The following MC2R variants were observed in gnomAD, a reference collection of about 807,000 sequenced individuals.
MC2R encodes adrenocorticotropic hormone receptor.
Under a neutral mutation model 9.8 loss-of-function variants are expected in MC2R, and 9 were observed. The observed-to-expected ratio is 0.92, with a 90% CI of 0.55 to 1.60. The LOEUF is 1.60. MC2R is among the 40% of genes most tolerant of loss of function. The probability of loss-of-function intolerance (pLI) is 0.00; values close to 1 mark genes in which losing one functional copy is unlikely to be tolerated. For synonymous variants in MC2R, 185 were observed against 154.7 expected, an observed-to-expected ratio of 1.20 and a Z score of -1.45; for missense variants, 370 against 389.0, an observed-to-expected ratio of 0.95 and a Z score of 0.41.
chr18:13,904,951 C>T lies in MC2R; in HGVS notation c.-129+10537G>A, dbSNP rs748007506. ...TAAAAACACTAGAAGAAAACCTAGGCAATACCATTCAGGACACAGGCATGG... is the reference window on the plus strand; with the variant it reads ...TAAAAACACTAGAAGAAAACCTAGGTAATACCATTCAGGACACAGGCATGG... On this transcript the variant is annotated intron_variant, in intron 1 of 1. Coordinates refer to ENST00000327606, the MANE Select transcript of MC2R (RefSeq NM_000529.2). Among the ~76,000 whole-genome samples the T allele has an allele frequency of 2.0e-5, 3 of 152,238 alleles. No homozygotes were observed. In the South Asian group the frequency reaches 6.2e-4, roughly 32 times the overall value.
rs1181066571 is a variant in MC2R, at chr18:13,883,492, G to A, written c.*1133C>T. 1 of 151,778 alleles carries A rather than the reference G, an allele frequency of 6.6e-6. No homozygotes were observed. The highest frequency in any genetic ancestry group is 1.5e-5 in the Non-Finnish European group (1 of 68,012). The allele number at this position is 151,778 out of a possible 1,614,324, so 9.4% of individuals were successfully genotyped here. On this transcript the variant is annotated 3_prime_UTR_variant, in exon 2 of 2. Coordinates refer to ENST00000327606, the MANE Select transcript of MC2R (RefSeq NM_000529.2). Reference sequence around the variant, plus strand: ...TGGTGTTTGCCTCCCTCAGGTCTTTGACTTGGGGCTATAATAACAGCACCA... The same window carrying A: ...TGGTGTTTGCCTCCCTCAGGTCTTTAACTTGGGGCTATAATAACAGCACCA...
chr18:13,892,563 T>C (rs1426013537), intron 1 of MC2R, among the ~76,000 whole-genome samples: 3 of 152,084 alleles, frequency 2.0e-5, no homozygotes, highest in Admixed American at 6.5e-5. Context: ...ACCCCTTCAC[T>C]CCTAGATGCT....
At chr18:13,908,745 T>TGTG (rs2045428272) in intron 1 of MC2R, among the ~76,000 whole-genome samples, 1 of 151,392 alleles carries the variant, frequency 6.6e-6, no homozygotes, top group Non-Finnish European at 1.5e-5. Flanking sequence ...TGTGTGTGTA[T>TGTG]TTCAAGCAAA....
intron 1 of MC2R, among the ~76,000 whole-genome samples, chr18:13,898,237 AGTGTTCCCTGTGGCCTTTGGTGATGTT>A: frequency 6.6e-6 from 1 of 152,252 alleles, no homozygotes; most frequent in East Asian, 1.9e-4. Context: ...GTAGGCTGGC[AGTGTTCCCTGTGGCCTTTGGTGATGTT>A]GGTTACAGGG....
At chr18:13,897,778 G>A (rs2045355166) in intron 1 of MC2R, among the ~76,000 whole-genome samples, 1 of 151,990 alleles carries the variant, frequency 6.6e-6, no homozygotes, top group African/African-American at 2.4e-5. Flanking sequence ...TGGGCCAGAA[G>A]GGAACTTGCT....
At chr18:13,912,075 T>A (rs2045447840) in intron 1 of MC2R, among the ~76,000 whole-genome samples, 2 of 152,202 alleles carry the variant, frequency 1.3e-5, no homozygotes, top group Non-Finnish European at 2.9e-5. Flanking sequence ...GGGCCCACAA[T>A]GCATGTTCAG....
At chr18:13,896,296 G>A (rs1291279409) in intron 1 of MC2R, among the ~76,000 whole-genome samples, 1 of 152,204 alleles carries the variant, frequency 6.6e-6, no homozygotes, top group Non-Finnish European at 1.5e-5. Context: ...TAAGAAAGGT[G>A]ATGTGACACC....
chr18:13,896,354 C>A (rs2149138982), intron 1 of MC2R, among the ~76,000 whole-genome samples: 1 of 152,166 alleles, frequency 6.6e-6, no homozygotes, highest in South Asian at 2.1e-4. Flanking sequence ...CTTTCTCAAC[C>A]AGGAAAAATA....
At chr18:13,889,935 C>T (rs974426186) in intron 1 of MC2R, among the ~76,000 whole-genome samples, 1 of 152,156 alleles carries the variant, frequency 6.6e-6, no homozygotes, top group Non-Finnish European at 1.5e-5. Context: ...GTCCCACAGG[C>T]TTTGTGTTGC....
chr18:13,900,574 A>G (rs1455500040), intron 1 of MC2R, among the ~76,000 whole-genome samples: 1 of 152,184 alleles, frequency 6.6e-6, no homozygotes, highest in African/African-American at 2.4e-5. Flanking sequence ...TTCCATGCCA[A>G]TGGAAACCAA....
chr18:13,907,403 C>G (rs1231501498), intron 1 of MC2R, among the ~76,000 whole-genome samples: 1 of 152,098 alleles, frequency 6.6e-6, no homozygotes. Context: ...ATCTAAGACC[C>G]GAAACTATGA....
chr18:13,889,370 T>C (rs2045299652), intron 1 of MC2R, among the ~76,000 whole-genome samples: 1 of 152,226 alleles, frequency 6.6e-6, no homozygotes, highest in Non-Finnish European at 1.5e-5. Flanking sequence ...GACAAGTTTT[T>C]CATAGCTTTA....
chr18:13,908,296 C>T (rs1054266460), intron 1 of MC2R, among the ~76,000 whole-genome samples: 5 of 152,198 alleles, frequency 3.3e-5, no homozygotes, highest in African/African-American at 1.2e-4. Flanking sequence ...GTCCCTTGTT[C>T]TCACTCACAT....
intron 1 of MC2R, among the ~76,000 whole-genome samples, chr18:13,901,047 T>A (rs1030745852): frequency 5.9e-5 from 9 of 152,134 alleles, no homozygotes; most frequent in Non-Finnish European, 8.8e-5. Flanking sequence ...ATGTCAAGTA[T>A]CTTCTCTGAC....
At chr18:13,915,538 A>G (rs79533878), upstream of MC2R, 13,003 of 153,106 alleles carry the variant, frequency 0.085, 720 homozygotes, top group East Asian at 0.19. Flanking sequence ...AGAAGGAATG[A>G]GCTCGGAGAG....
intron 1 of MC2R, among the ~76,000 whole-genome samples, chr18:13,905,854 G>A (rs1182766642): frequency 6.6e-6 from 1 of 152,074 alleles, no homozygotes; most frequent in Non-Finnish European, 1.5e-5. Context: ...CCAAGAGATC[G>A]AGACCATCCT....
At position 13,896,631 on chromosome 18, in the gene MC2R, A is replaced by G. The variant is rs569652427; in HGVS notation, c.-128-10985T>C. On this transcript the variant is annotated intron_variant, in intron 1 of 1. Coordinates refer to ENST00000327606, the MANE Select transcript of MC2R (RefSeq NM_000529.2). ...GTAGCAATTTTTATTAAATATAGGT[A>G]TCTAATATTACTTTAGACCTTGTAG... 3.9e-5 allele frequency among the ~76,000 whole-genome samples: 6 copies of G among 152,346 alleles called. No individual in the cohort carries two copies. The South Asian group carries it at 1.0e-3, about 26-fold the overall frequency.
At chr18:13,890,711 T>A (rs189829371) in intron 1 of MC2R, among the ~76,000 whole-genome samples, 1 of 152,214 alleles carries the variant, frequency 6.6e-6, no homozygotes, top group Non-Finnish European at 1.5e-5. Context: ...TGTGTCTGTA[T>A]GTGTGGATAT....
intron 1 of MC2R, among the ~76,000 whole-genome samples, chr18:13,907,604 A>G (rs1405516022): frequency 6.6e-6 from 1 of 152,238 alleles, no homozygotes. Flanking sequence ...AATGGGAGAA[A>G]ATATTTGCAA....
Sources: allele counts gnomAD v4.1 joint callset (sites outside exome capture counted in the v4.1 genomes callset), GRCh38; gene constraint gnomAD v4.1.1; transcripts MANE v1.5; gene names NCBI Gene and HGNC (gene_info 2026-07-23, HGNC 2026-07-21).